Variants in CHODL observed in about 807,000 individuals in gnomAD.
CHODL encodes the protein chondrolectin.
Under a neutral mutation model 34.5 loss-of-function variants are expected in CHODL, and 29 were observed. That is an observed-to-expected ratio of 0.84 (90% CI 0.63 to 1.15). The LOEUF is 1.15. Ranked by LOEUF, CHODL falls within the 50% of genes most tolerant of loss-of-function variation. CHODL has a pLI of 0.00. For missense variants in CHODL, 332 were observed against 332.5 expected (o/e 1.00, Z 0.01); for synonymous variants, 125 against 116.1 (o/e 1.08, Z -0.49).
intron 2 of CHODL, among the ~76,000 whole-genome samples, chr21:18,045,622 G>C (rs957992095): frequency 1.3e-5 from 2 of 151,878 alleles, no homozygotes; most frequent in Admixed American, 6.6e-5. Context: ...ATACATTTTT[G>C]ATGTTTTAAT....
At chr21:18,049,192 A>T (rs1280987627) in intron 2 of CHODL, among the ~76,000 whole-genome samples, 1 of 151,956 alleles carries the variant, frequency 6.6e-6, no homozygotes, top group Non-Finnish European at 1.5e-5. Flanking sequence ...TACCAGTTGA[A>T]TGAGGGAAGC....
chr21:17,946,311 C>T (rs1446451898), intron 1 of CHODL, among the ~76,000 whole-genome samples: 1 of 151,986 alleles, frequency 6.6e-6, no homozygotes, highest in Non-Finnish European at 1.5e-5. Context: ...CCCAGCTACT[C>T]GGGAGGCTGA....
chr21:18,115,870 C>A (rs2081614473), intron 2 of CHODL, among the ~76,000 whole-genome samples: 1 of 152,098 alleles, frequency 6.6e-6, no homozygotes, highest in Admixed American at 6.5e-5. Flanking sequence ...GTCTTTTTTC[C>A]CACTCTGCTA....
At chr21:18,090,872 C>T (rs112616843) in intron 2 of CHODL, among the ~76,000 whole-genome samples, 6,677 of 152,166 alleles carry the variant, frequency 0.044, 485 homozygotes, top group African/African-American at 0.15. Context: ...AGTAAAGCAC[C>T]ACCACAAGAA....
chr21:18,136,669 A>T (rs572930957), intron 2 of CHODL, among the ~76,000 whole-genome samples: 24 of 148,764 alleles, frequency 1.6e-4, no homozygotes, highest in African/African-American at 5.6e-4. Flanking sequence ...TCTTAAGTGT[A>T]GACTATTTAC....
intron 2 of CHODL, among the ~76,000 whole-genome samples, chr21:18,142,586 C>T (rs1315341096): frequency 6.6e-6 from 1 of 152,058 alleles, no homozygotes; most frequent in Non-Finnish European, 1.5e-5. Context: ...TACGGTAGAC[C>T]AGCTTGGGTC....
At chr21:18,142,881 G>A (rs982548654) in intron 2 of CHODL, among the ~76,000 whole-genome samples, 1 of 152,134 alleles carries the variant, frequency 6.6e-6, no homozygotes, top group Non-Finnish European at 1.5e-5. Flanking sequence ...TTTGATGGTT[G>A]CAGAGTACTT....
chr21:18,245,972 A>C (rs747553502), intron 1 of CHODL: 114 of 1,525,988 alleles, frequency 7.5e-5, no homozygotes, highest in Admixed American at 2.5e-4. Context: ...GGCACACAGT[A>C]GGTGCACAAT....
chr21:18,182,122 A>G (rs2073389034), intron 2 of CHODL, among the ~76,000 whole-genome samples: 1 of 152,164 alleles, frequency 6.6e-6, no homozygotes, highest in African/African-American at 2.4e-5. Flanking sequence ...CATGCTGTTT[A>G]TTTAACCTTT....
intron 2 of CHODL, among the ~76,000 whole-genome samples, chr21:18,100,568 A>G (rs2065200876): frequency 1.3e-5 from 2 of 152,086 alleles, no homozygotes; most frequent in South Asian, 4.1e-4. Flanking sequence ...TTATTTAGAG[A>G]CTCAAGGACA....
At chr21:18,098,860 G>T (rs1467234117) in intron 2 of CHODL, among the ~76,000 whole-genome samples, 4 of 152,086 alleles carry the variant, frequency 2.6e-5, no homozygotes, top group Non-Finnish European at 4.4e-5. Context: ...AAAGGAACAC[G>T]TGGTACATAC....
At chr21:18,222,217 G>GTGC (rs2073891154) in intron 2 of CHODL, among the ~76,000 whole-genome samples, 1 of 152,130 alleles carries the variant, frequency 6.6e-6, no homozygotes, top group South Asian at 2.1e-4. Flanking sequence ...CCTCCCTGAT[G>GTGC]TGCTGGACTG....
chr21:18,220,365 A>G (rs1481516248), intron 2 of CHODL, among the ~76,000 whole-genome samples: 2 of 152,098 alleles, frequency 1.3e-5, no homozygotes, highest in Non-Finnish European at 2.9e-5. Context: ...CTTGTCATTT[A>G]AAAATTGTTT....
chr21:18,252,942 T>G (rs1206241156), intron 1 of CHODL, among the ~76,000 whole-genome samples: 1 of 152,140 alleles, frequency 6.6e-6, no homozygotes, highest in Non-Finnish European at 1.5e-5. Context: ...AGTGTCAAGC[T>G]GTCTATCGTC....
intron 2 of CHODL, among the ~76,000 whole-genome samples, chr21:18,163,970 T>C (rs1168202554): frequency 1.3e-5 from 2 of 152,208 alleles, no homozygotes; most frequent in African/African-American, 2.4e-5. Flanking sequence ...TGTAGCACAA[T>C]AGATTAAAGG....
At chr21:18,205,900 C>A (rs2146715062) in intron 2 of CHODL, among the ~76,000 whole-genome samples, 1 of 152,214 alleles carries the variant, frequency 6.6e-6, no homozygotes, top group African/African-American at 2.4e-5. Flanking sequence ...CCATGCCTGG[C>A]TAATTTAGGA....
chr21:18,043,858 A>G (rs2064407603), intron 2 of CHODL, among the ~76,000 whole-genome samples: 1 of 151,968 alleles, frequency 6.6e-6, no homozygotes, highest in Admixed American at 6.6e-5. Context: ...CATGTCTTCC[A>G]TGGATGGTGG....
intron 2 of CHODL, among the ~76,000 whole-genome samples, chr21:18,206,341 A>C (rs1204095754): frequency 1.3e-5 from 2 of 152,162 alleles, no homozygotes; most frequent in Non-Finnish European, 2.9e-5. Context: ...ATATATTTAC[A>C]ATTCTTGTGT....
intron 2 of CHODL, among the ~76,000 whole-genome samples, chr21:18,139,419 G>T (rs976767374): frequency 6.6e-6 from 1 of 152,030 alleles, no homozygotes; most frequent in Non-Finnish European, 1.5e-5. Context: ...CCTTCCTTTG[G>T]AGTGTCATTA....
Sources: gnomAD v4.1 joint callset for allele counts (sites outside exome capture counted in the v4.1 genomes callset) on GRCh38, gnomAD v4.1.1 for gene constraint, MANE v1.5 for transcripts, NCBI Gene and HGNC (gene_info 2026-07-23, HGNC 2026-07-21) for gene names.